Variants in ERG observed in about 807,000 individuals in gnomAD.
The protein encoded by ERG is transcriptional regulator ERG.
Under a neutral mutation model 55.3 loss-of-function variants are expected in ERG, and 9 were observed. The observed-to-expected ratio is 0.16, with a 90% confidence interval of 0.10 to 0.28. The LOEUF is 0.28. ERG is among the 10% of genes least tolerant of loss of function. The pLI is 1.00. For missense variants in ERG, 434 were observed against 631.6 expected, an observed-to-expected ratio of 0.69 and a Z score of 3.35; for synonymous variants, 223 against 237.3, an observed-to-expected ratio of 0.94 and a Z score of 0.55.
Position 38,573,240 on chromosome 21 carries a change from A to G in ERG, c.-41+2422T>C, listed in dbSNP as rs976330414. Among the ~76,000 whole-genome samples the G allele has an allele frequency of 1.2e-4, 19 of 152,342 alleles. 1 individual carries two copies. The South Asian group carries it at 3.9e-3, about 32-fold the overall frequency. On this transcript the variant is annotated intron_variant, in intron 2 of 8. Coordinates refer to the ERG transcript ENST00000398897. ...TATTGTCCAAGGTTTCTCCCATGTGATAGTCTGAAATATGGCCTCGTGGGA... is the reference window on the plus strand; with the variant it reads ...TATTGTCCAAGGTTTCTCCCATGTGGTAGTCTGAAATATGGCCTCGTGGGA...
intron 2 of ERG, among the ~76,000 whole-genome samples, chr21:38,537,785 A>ATT (rs1339657962): frequency 2.9e-4 from 44 of 152,240 alleles, no homozygotes; most frequent in African/African-American, 1.0e-3. Context: ...TAAAAATAGA[A>ATT]TTAACATATG....
At chr21:38,607,514 C>T (rs978775159) in intron 1 of ERG, among the ~76,000 whole-genome samples, 1 of 152,066 alleles carries the variant, frequency 6.6e-6, no homozygotes, top group African/African-American at 2.4e-5. Context: ...CACCTGTAGT[C>T]CCAGCTACTC....
intron 1 of ERG, among the ~76,000 whole-genome samples, chr21:38,658,370 A>G (rs375885208): frequency 6.6e-5 from 10 of 152,198 alleles, no homozygotes; most frequent in African/African-American, 2.2e-4. Flanking sequence ...ATGGAGTTCT[A>G]TGAAATAACA....
chr21:38,374,504 ACT>A, the ERG span, among the ~76,000 whole-genome samples: 2 of 151,546 alleles, frequency 1.3e-5, no homozygotes, highest in South Asian at 2.1e-4. Context: ...AGCTAGAAAA[ACT>A]CTCCACATTC....
intron 1 of ERG, among the ~76,000 whole-genome samples, chr21:38,605,830 T>TA (rs11392104): frequency 0.071 from 10,839 of 152,004 alleles, 687 homozygotes; most frequent in African/African-American, 0.17. Context: ...CCCAGATAGA[T>TA]GATAGATAGA....
At chr21:38,587,076 T>C (rs1025583388), upstream of ERG, among the ~76,000 whole-genome samples, 1 of 152,242 alleles carries the variant, frequency 6.6e-6, no homozygotes. Context: ...ATACATAGCA[T>C]CTGAAAAGTT....
intron 2 of ERG, among the ~76,000 whole-genome samples, chr21:38,570,609 C>T (rs77955876): frequency 0.031 from 4,766 of 152,190 alleles, 267 homozygotes; most frequent in African/African-American, 0.11. Flanking sequence ...TAATCTCCCA[C>T]GAACCCTGCA....
At chr21:38,575,651 A>C in intron 2 of ERG, 1 of 1,611,172 alleles carries the variant, frequency 6.2e-7, no homozygotes, top group African/African-American at 1.3e-5. Context: ...CCCAGCCAAG[A>C]CGGGACTTAC....
At chr21:38,565,407 G>T (rs576941124) in intron 2 of ERG, among the ~76,000 whole-genome samples, 18 of 152,196 alleles carry the variant, frequency 1.2e-4, no homozygotes, top group African/African-American at 4.1e-4. Flanking sequence ...TTCTCCTCCC[G>T]CAGTGTGCCA....
At chr21:38,441,248 GC>G (rs200595713) in intron 2 of ERG, among the ~76,000 whole-genome samples, 3,777 of 152,322 alleles carry the variant, frequency 0.025, 70 homozygotes, top group South Asian at 0.09. Context: ...CCAGGCCGTA[GC>G]ACCCAGTGAC....
intron 1 of ERG, among the ~76,000 whole-genome samples, chr21:38,479,442 G>T (rs1410802141): frequency 3.9e-5 from 6 of 152,196 alleles, no homozygotes; most frequent in Non-Finnish European, 5.9e-5. Flanking sequence ...ACCTTATTTA[G>T]AAGTAGGATC....
At position 38,382,268 on chromosome 21, in the gene ERG, G is replaced by C. The variant is rs1324368690; in HGVS notation, c.*1135C>G. 2 of 1,052,080 alleles carry C rather than the reference G, an allele frequency of 1.9e-6. No individual in the cohort carries two copies. The highest frequency in any genetic ancestry group is 5.5e-5 in the Admixed American group (1 of 18,250). 65.2% of individuals were successfully genotyped at this position (1,052,080 alleles called of 1,614,324 possible). On this transcript the variant is annotated 3_prime_UTR_variant, in exon 10 of 10. Coordinates refer to ENST00000288319, the MANE Select transcript of ERG (RefSeq NM_182918.4). ...AACATTGACTTGTATACTTCATTCT[G>C]ACAAACGCACAGCGTTCGCGACTCA...
chr21:38,591,702 CAACA>C (rs1416092804), intron 1 of ERG, among the ~76,000 whole-genome samples: 3 of 151,988 alleles, frequency 2.0e-5, no homozygotes, highest in African/African-American at 7.3e-5. Flanking sequence ...ACAAACCAAC[CAACA>C]AACAAACAAA....
chr21:38,453,501 G>T (rs983023443), intron 1 of ERG, among the ~76,000 whole-genome samples: 8 of 152,238 alleles, frequency 5.3e-5, no homozygotes, highest in African/African-American at 1.9e-4. Context: ...ACAATGAACT[G>T]GGACTCTTTG....
chr21:38,504,282 T>C (rs961036651), intron 2 of ERG, among the ~76,000 whole-genome samples: 1 of 152,154 alleles, frequency 6.6e-6, no homozygotes, highest in Admixed American at 6.5e-5. Flanking sequence ...TAAGCTCCCA[T>C]GGAGCAATGA....
At chr21:38,400,920 C>G (rs1988460188) in intron 5 of ERG, among the ~76,000 whole-genome samples, 1 of 152,170 alleles carries the variant, frequency 6.6e-6, no homozygotes, top group Admixed American at 6.5e-5. Flanking sequence ...ATCTGTGTCC[C>G]CCTCAATCCC....
chr21:38,381,202 C>T lies in ERG; in HGVS notation c.*2201G>A. Reference sequence around the variant, plus strand: ...ACTTCACATAATCATAGCAAAAGGACTGCAACGTGAAAAAAACAGGCCCTG... The same window carrying T: ...ACTTCACATAATCATAGCAAAAGGATTGCAACGTGAAAAAAACAGGCCCTG... On this transcript the variant is annotated 3_prime_UTR_variant, in exon 10 of 10. Coordinates refer to ENST00000288319, the MANE Select transcript of ERG (RefSeq NM_182918.4). 3 of 1,065,220 alleles carry T rather than the reference C, an allele frequency of 2.8e-6. No homozygotes were observed. Among genetic ancestry groups the T allele is most frequent in the Middle Eastern group, 8.3e-4 (2 of 2,400 alleles). The allele number at this position is 1,065,220 out of a possible 1,614,324, so 66.0% of individuals were successfully genotyped here.
chr21:38,646,021 G>C (rs539967445), intron 1 of ERG, among the ~76,000 whole-genome samples: 1 of 152,166 alleles, frequency 6.6e-6, no homozygotes, highest in Non-Finnish European at 1.5e-5. Flanking sequence ...GCTCACGCCT[G>C]TAATCCCAAC....
chr21:38,528,763 T>G (rs1344949649), intron 2 of ERG, among the ~76,000 whole-genome samples: 1 of 152,092 alleles, frequency 6.6e-6, no homozygotes, highest in Admixed American at 6.6e-5. Context: ...CAAACTTTTG[T>G]AAACATAACT....
Sources: gnomAD v4.1 joint callset for allele counts (sites outside exome capture counted in the v4.1 genomes callset) on GRCh38, gnomAD v4.1.1 for gene constraint, MANE v1.5 for transcripts, NCBI Gene and HGNC (gene_info 2026-07-23, HGNC 2026-07-21) for gene names.